CBLL1: variants seen among roughly 807,000 people sequenced by gnomAD.
CBLL1 encodes Cbl proto-oncogene like 1, also known as E3 ubiquitin-protein ligase Hakai.
A neutral mutation model predicts 44.9 loss-of-function variants in CBLL1; 4 were observed. That is an observed-to-expected ratio of 0.09 (90% confidence interval 0.04 to 0.20). The LOEUF is 0.20. Among genes scored for constraint, CBLL1 ranks in the 10% least tolerant of loss-of-function variants. The pLI is 1.00. For missense variants in CBLL1, 569 were observed against 636.7 expected, an observed-to-expected ratio of 0.89 and a Z score of 1.14; for synonymous variants, 235 against 202.2, an observed-to-expected ratio of 1.16 and a Z score of -1.38.
chr7:107,752,446 C>CTGTGTG lies in CBLL1; in HGVS notation c.182-951_182-946dup, dbSNP rs3216898. The CTGTGTG allele has an allele frequency of 1.0e-4, 42 of 401,006 alleles. No individual in the cohort carries two copies. The East Asian group carries it at 2.2e-3, about 21-fold the overall frequency. The allele number at this position is 401,006 out of a possible 1,614,324, so 24.8% of individuals were successfully genotyped here. A position where few individuals can be genotyped will look rare whatever the true frequency, so the allele number is the denominator to read the frequency against. On this transcript the variant is annotated intron_variant, in intron 2 of 5. Transcript: ENST00000440859. ...TGTGTGTTAATGTGAATGTGTCTCT[C>CTGTGTG]TGTGTGTGTGTGTGTGTGTCTGTGT...
At chr7:107,755,353 A>G (rs1280378413) in intron 4 of CBLL1, 65 bp from the exon 5 acceptor site, 2 of 751,556 alleles carry the variant, frequency 2.7e-6, no homozygotes, top group Admixed American at 3.3e-5. Flanking sequence ...AGGTTACTAT[A>G]TATATATATT....
intron 1 of CBLL1, chr7:107,744,459 G>GGA: frequency 4.8e-6 from 2 of 415,272 alleles, no homozygotes; most frequent in Non-Finnish European, 8.6e-6. Flanking sequence ...CTTCGGGAAG[G>GGA]GAGAGCCCCG....
chr7:107,753,786 C>G, intron 3 of CBLL1, 109 bp from the exon 4 acceptor site: 1 of 637,198 alleles, frequency 1.6e-6, no homozygotes. Flanking sequence ...CAAGAGGCTT[C>G]TATTTCTAAT....
In CBLL1 at chr7:107,758,305, A is replaced by G. The variant is rs780047828; in HGVS notation, c.603A>G (p.Ser201=). Residue 201 remains serine, a synonymous_variant, in exon 6 of 6, where the codon TCA becomes TCG. Transcript: ENST00000440859. The surrounding 1 kb of genome is among the most constrained non-coding windows in gnomAD (Gnocchi z 4.2). The part of the protein sequence containing the change: ...MRAGKPVTRA[S]LENVHPPIAP... ...CTGGAAAACCTGTTACCCGTGCTTC[A>G]CTTGAAAATGTTCATCCTCCTATTG... 7 of 1,614,128 alleles carry G rather than the reference A, an allele frequency of 4.3e-6. No individual in the cohort carries two copies. Among genetic ancestry groups the G allele is most frequent in the Non-Finnish European group, 5.9e-6 (7 of 1,180,018 alleles).
rs73191636 is a variant in CBLL1 at position 107,759,490 on chromosome 7, A to G, written c.*312A>G. The stretch of plus-strand genomic sequence containing the variant: ...AAAAATTTTTCATTGTTTTACTTCA[A>G]AAGTATTGTTTTGTTAAACCCAACG... On this transcript the variant is annotated 3_prime_UTR_variant, in exon 6 of 6. Coordinates refer to ENST00000440859, the MANE Select transcript of CBLL1 (RefSeq NM_024814.4). The G allele has an allele frequency of 0.13, 28,502 of 224,410 alleles. 2,459 individuals are homozygous for G. The highest frequency in any genetic ancestry group is 0.35 in the East Asian group (3,703 of 10,574). The allele number at this position is 224,410 out of a possible 1,614,324, so 13.9% of individuals were successfully genotyped here.
intron 1 of CBLL1, among the ~76,000 whole-genome samples, chr7:107,745,004 C>T (rs931037903): frequency 2.6e-5 from 4 of 152,118 alleles, no homozygotes; most frequent in African/African-American, 9.7e-5. Flanking sequence ...TGTCCTCACT[C>T]ATCAGATATC....
Position 107,755,443 on chromosome 7 carries a change from A to T in CBLL1, c.392A>T (p.Tyr131Phe), listed in dbSNP as rs773864028. 1.9e-6 allele frequency: 3 copies of T among 1,585,444 alleles called. No homozygotes were observed. Among genetic ancestry groups the T allele is most frequent in the Non-Finnish European group, 2.6e-6 (3 of 1,164,824 alleles). The change falls in exon 5 of 6, where the codon TAT (tyrosine) becomes TTT (phenylalanine). Residue 131 changes from tyrosine to phenylalanine, a missense_variant. Tyr to Phe is a conservative substitution (Grantham distance 22). This residue lies in a region of CBLL1 where 209 missense variants were observed against 202.8 expected (regional missense o/e 1.03). Transcript: ENST00000440859. ...ATTCCATGCAAGCATGTTTTTTGCT[A>T]TGACTGTGCTATTTTACATGAAAAA... ...RMIPCKHVFCYDCAILHEKKG... is the reference protein window; with the variant it reads ...RMIPCKHVFCFDCAILHEKKG...
At chr7:107,744,239 C>T (rs1792883075) in intron 1 of CBLL1, 63 bp downstream of exon 1, 22 of 1,493,610 alleles carry the variant, frequency 1.5e-5, no homozygotes, top group East Asian at 2.6e-5. Context: ...TGGGGCTGGT[C>T]GCACAGCAGG....
intron 1 of CBLL1, among the ~76,000 whole-genome samples, chr7:107,747,205 A>T (rs541200231): frequency 6.6e-6 from 1 of 152,326 alleles, no homozygotes; most frequent in Admixed American, 6.5e-5. Context: ...TGTGAAGCAG[A>T]GTGGGAAGGG....
chr7:107,747,512 T>A (rs1793075249), intron 1 of CBLL1, among the ~76,000 whole-genome samples: 1 of 152,210 alleles, frequency 6.6e-6, no homozygotes, highest in South Asian at 2.1e-4. Flanking sequence ...TACTTTTACA[T>A]ACATAAGCAA....
chr7:107,745,990 A>G (rs1431576306), intron 1 of CBLL1, among the ~76,000 whole-genome samples: 2 of 152,180 alleles, frequency 1.3e-5, no homozygotes, highest in Non-Finnish European at 1.5e-5. Flanking sequence ...ACCTTTATTT[A>G]TAGCTGGTAT....
chr7:107,752,520 T>G (rs1206715760), intron 2 of CBLL1: 2 of 1,271,740 alleles, frequency 1.6e-6, no homozygotes, highest in South Asian at 1.2e-5. Flanking sequence ...TTAAAACTTG[T>G]GTGCTTGGCT....
rs562641637 is a variant in CBLL1, at chr7:107,752,090, T to C, written c.182-1321T>C. On this transcript the variant is annotated intron_variant, in intron 2 of 5. Transcript: ENST00000440859. ...GGCGGGTGCCTGTAGTCCCAGCTAC[T>C]CGGGAGGCCGAGGCAGGAGAATGGC... Among the ~76,000 whole-genome samples the C allele has an allele frequency of 1.3e-4, 19 of 151,198 alleles. No homozygotes were observed. In the South Asian group the frequency reaches 2.7e-3, roughly 22 times the overall value.
intron 2 of CBLL1, among the ~76,000 whole-genome samples, chr7:107,751,015 C>CT (rs947211537): frequency 6.6e-6 from 1 of 151,038 alleles, no homozygotes; most frequent in Non-Finnish European, 1.5e-5. Context: ...TGTCCCAACT[C>CT]TTTTCCTTGC....
At chr7:107,752,489 A>C in intron 2 of CBLL1, 1 of 862,012 alleles carries the variant, frequency 1.2e-6, no homozygotes, top group South Asian at 1.4e-5. Context: ...TAGGTGCTGT[A>C]ATTTAGTCAT....
chr7:107,757,756 A>G (rs1282342186), intron 5 of CBLL1, among the ~76,000 whole-genome samples: 1 of 152,196 alleles, frequency 6.6e-6, no homozygotes, highest in Non-Finnish European at 1.5e-5. Flanking sequence ...TCACTCAATA[A>G]TACCATACTA....
At position 107,758,828 on chromosome 7, in the gene CBLL1, C is replaced by T; in HGVS notation, c.1126C>T (p.Pro376Ser). ...GGTATATAGCCAAGCTCCACCTCCA[C>T]CAATGACCTCTGCTCCACCACCAAT... is the stretch of plus-strand genomic sequence containing the variant. The part of the protein sequence containing the change: ...HLVYSQAPPP[P>S]MTSAPPPITP... Residue 376 changes from proline to serine, a missense_variant, in exon 6 of 6, where the codon CCA (proline) becomes TCA (serine). Around this residue, in one of 5 missense-constraint regions of CBLL1, gnomAD observed 228 missense variants for 253.2 expected, o/e 0.90. Transcript: ENST00000440859. The surrounding 1 kb of genome is among the most constrained non-coding windows in gnomAD (Gnocchi z 4.2). 2 of 1,613,996 alleles carry T rather than the reference C, an allele frequency of 1.2e-6. No individual in the cohort carries two copies. The highest frequency in any genetic ancestry group is 4.5e-5 in the East Asian group (2 of 44,882).
Position 107,759,002 on chromosome 7 carries a change from G to A in CBLL1, c.1300G>A (p.Glu434Lys). 6.2e-7 allele frequency: 1 copy of A among 1,613,880 alleles called. No individual in the cohort carries two copies. Among genetic ancestry groups the A allele is most frequent in the Non-Finnish European group, 8.5e-7 (1 of 1,179,968 alleles). ...YNPNSLPQFT[E>K]DQGTLSPPFT... The stretch of plus-strand genomic sequence containing the variant: ...TCCTAACTCATTACCCCAGTTCACT[G>A]AAGATCAAGGAACTCTGAGCCCTCC... The change falls in exon 6 of 6, where the codon GAA (glutamate) becomes AAA (lysine). Residue 434 changes from glutamate (E) to lysine (K), a missense_variant. Physicochemically the swap from Glu to Lys is moderately conservative, Grantham distance 56. Transcript: ENST00000440859.
chr7:107,744,224 C>A (rs199725875), intron 1 of CBLL1, 48 bp downstream of exon 1: 1 of 1,517,790 alleles, frequency 6.6e-7, no homozygotes, highest in South Asian at 1.2e-5. Context: ...CCCCCTTGGC[C>A]GGCCTGGGGC....
Sources: gnomAD v4.1 joint callset for allele counts (sites outside exome capture counted in the v4.1 genomes callset) on GRCh38, gnomAD v4.1.1 for gene constraint, gnomAD v4.1.1 regional missense constraint, Gnocchi (gnomAD v3.1) non-coding constraint, MANE v1.5 for transcripts, NCBI Gene and HGNC (gene_info 2026-07-23, HGNC 2026-07-21) for gene names.